SGPP1: variants seen among roughly 807,000 people sequenced by gnomAD.
The protein encoded by SGPP1 is hSPP1.
Under a neutral mutation model 33.0 loss-of-function variants are expected in SGPP1, and 21 were observed. That is an observed-to-expected ratio of 0.64 (90% CI 0.45 to 0.92). SGPP1 has a LOEUF of 0.92. Ranked by LOEUF, SGPP1 falls within the 40% of genes least tolerant of loss-of-function variation. The pLI, the probability that SGPP1 is intolerant of heterozygous loss-of-function variation, is 0.00. For missense variants in SGPP1, 543 were observed against 589.4 expected (o/e 0.92, Z 0.81); for synonymous variants, 239 against 241.2 (o/e 0.99, Z 0.08).
At position 63,684,357 on chromosome 14, in the gene SGPP1, AT is replaced by A. The variant is rs1272682473; in HGVS notation, c.*1747del. 1 of 152,114 alleles carries A rather than the reference AT, an allele frequency of 6.6e-6. No homozygotes were observed. The highest frequency in any genetic ancestry group is 2.4e-5 in the African/African-American group (1 of 41,464). 9.4% of individuals were successfully genotyped at this position (152,114 alleles called of 1,614,324 possible). A position where few individuals can be genotyped will look rare whatever the true frequency, so the allele number is the denominator to read the frequency against. ...AATCAACAGGATAGCATAGGCCCAA[AT>A]TATGGGAAACGGTCCCTAAAATTCA... On this transcript the variant is annotated 3_prime_UTR_variant, in exon 3 of 3. Coordinates refer to ENST00000247225, the MANE Select transcript of SGPP1 (RefSeq NM_030791.4).
intron 2 of SGPP1, 66 bp downstream of exon 2, chr14:63,698,503 A>G: frequency 1.1e-6 from 1 of 937,996 alleles, no homozygotes. Flanking sequence ...CAAATGATTA[A>G]AAATTATAAA....
At chr14:63,693,688 A>T (rs569308347) in intron 2 of SGPP1, among the ~76,000 whole-genome samples, 13 of 152,262 alleles carry the variant, frequency 8.5e-5, no homozygotes, top group Non-Finnish European at 1.5e-4. Context: ...ATCACAGCTT[A>T]TTGCAGCCTC....
At chr14:63,693,963 G>A (rs1448220008) in intron 2 of SGPP1, among the ~76,000 whole-genome samples, 1 of 152,070 alleles carries the variant, frequency 6.6e-6, no homozygotes, top group Non-Finnish European at 1.5e-5. Flanking sequence ...CCTGTAAAAT[G>A]TTTCTTTTAT....
chr14:63,706,107 G>A (rs1885403624), intron 1 of SGPP1, among the ~76,000 whole-genome samples: 1 of 152,240 alleles, frequency 6.6e-6, no homozygotes, highest in Admixed American at 6.5e-5. Context: ...CAAAAGGAAT[G>A]AAGTACTGAT....
chr14:63,706,864 G>A (rs976064611), intron 1 of SGPP1, among the ~76,000 whole-genome samples: 5 of 151,864 alleles, frequency 3.3e-5, no homozygotes, highest in Admixed American at 6.6e-5. Context: ...CTAATGTGGC[G>A]AAACCTTGTC....
In SGPP1 at chr14:63,727,487, C is replaced by G. The variant is rs1267386994; in HGVS notation, c.458G>C (p.Trp153Ser). The G allele has an allele frequency of 1.2e-6, 2 of 1,614,162 alleles. No individual in the cohort carries two copies. Among genetic ancestry groups the G allele is most frequent in the South Asian group, 2.2e-5 (2 of 91,086 alleles). Reference sequence around the variant, plus strand: ...CCGGCCCACCAGAGGGTCCAGGTTCCAGATCCAGAAGGGGAAGAACAGGAT... The same window carrying G: ...CCGGCCCACCAGAGGGTCCAGGTTCGAGATCCAGAAGGGGAAGAACAGGAT... ...FYILFFPFWI[W>S]NLDPLVGRRL... Residue 153 changes from tryptophan to serine, a missense_variant, in exon 1 of 3, where the codon TGG becomes TCG. Coordinates refer to ENST00000247225, the MANE Select transcript of SGPP1 (RefSeq NM_030791.4).
chr14:63,708,881 A>C (rs1885470050), intron 1 of SGPP1, among the ~76,000 whole-genome samples: 1 of 152,192 alleles, frequency 6.6e-6, no homozygotes, highest in Non-Finnish European at 1.5e-5. Context: ...TGATTCAAGC[A>C]CAGGAAGTCT....
chr14:63,705,419 G>A (rs1885389349), intron 1 of SGPP1, among the ~76,000 whole-genome samples: 1 of 151,440 alleles, frequency 6.6e-6, no homozygotes, highest in Non-Finnish European at 1.5e-5. Flanking sequence ...TGTAATCCCA[G>A]CACTTTGGGG....
At chr14:63,690,434 T>A (rs1347665467) in intron 2 of SGPP1, among the ~76,000 whole-genome samples, 1 of 152,206 alleles carries the variant, frequency 6.6e-6, no homozygotes. Context: ...AAAAGAGATA[T>A]AACTCCAAAT....
chr14:63,723,932 C>T (rs1377637068), intron 1 of SGPP1, among the ~76,000 whole-genome samples: 1 of 152,004 alleles, frequency 6.6e-6, no homozygotes, highest in East Asian at 1.9e-4. Context: ...GGCTGAAGTG[C>T]AGTGGTGCAA....
intron 1 of SGPP1, among the ~76,000 whole-genome samples, chr14:63,707,205 C>T (rs1349367051): frequency 6.6e-6 from 1 of 152,028 alleles, no homozygotes; most frequent in East Asian, 1.9e-4. Flanking sequence ...TACAAAGAAT[C>T]AGTTTAGCAA....
intron 1 of SGPP1, among the ~76,000 whole-genome samples, chr14:63,705,791 G>T (rs1340327864): frequency 6.6e-6 from 1 of 152,186 alleles, no homozygotes; most frequent in African/African-American, 2.4e-5. Context: ...ACAAGTATTG[G>T]TGAGTATGTG....
chr14:63,689,722 C>T lies in SGPP1; in HGVS notation c.775-3066G>A, dbSNP rs1183500499. Among the ~76,000 whole-genome samples the T allele has an allele frequency of 4.0e-5, 6 of 151,164 alleles. No individual in the cohort carries two copies. The South Asian group carries it at 1.0e-3, about 26-fold the overall frequency. On this transcript the variant is annotated intron_variant, in intron 2 of 2. Transcript: ENST00000247225. ...GAGGCAGGAGAATCGCTTAGAACCC[C>T]GGAGGTGGAGGTTGCAGTGAGCTGA...
rs1885175479 is a variant in SGPP1, at chr14:63,695,781, CATGTT to C, written c.774+2783_774+2787del. On this transcript the variant is annotated intron_variant, in intron 2 of 2. Transcript: ENST00000247225. The stretch of plus-strand genomic sequence containing the variant: ...TAAAAATTAGCTGGGCATTATAGTA[CATGTT>C]TGTAGTCCTAGACACCCGGGAGGGT... 1.6e-4 allele frequency among the ~76,000 whole-genome samples: 24 copies of C among 152,188 alleles called. No individual in the cohort carries two copies. The South Asian group carries it at 5.0e-3, about 32-fold the overall frequency.
intron 1 of SGPP1, among the ~76,000 whole-genome samples, chr14:63,722,248 G>GA: frequency 6.6e-6 from 1 of 151,856 alleles, no homozygotes; most frequent in South Asian, 2.1e-4. Context: ...TTAACAGCTG[G>GA]GCGCAGTGGC....
chr14:63,700,419 T>C (rs1026230841), intron 1 of SGPP1, among the ~76,000 whole-genome samples: 3 of 152,194 alleles, frequency 2.0e-5, no homozygotes, highest in African/African-American at 7.2e-5. Context: ...AAAAACCAAG[T>C]AATCCAAATG....
At chr14:63,720,085 C>T (rs1885737741) in intron 1 of SGPP1, among the ~76,000 whole-genome samples, 1 of 147,184 alleles carries the variant, frequency 6.8e-6, no homozygotes, top group Admixed American at 6.9e-5. Context: ...AAGATGGCAC[C>T]ACTGCACTCC....
chr14:63,694,399 T>C (rs1885148586), intron 2 of SGPP1, among the ~76,000 whole-genome samples: 1 of 152,114 alleles, frequency 6.6e-6, no homozygotes, highest in African/African-American at 2.4e-5. Flanking sequence ...ACATAAAAAA[T>C]CCATTATTTG....
intron 1 of SGPP1, among the ~76,000 whole-genome samples, chr14:63,702,097 G>A (rs1003609510): frequency 2.6e-5 from 4 of 152,162 alleles, no homozygotes; most frequent in African/African-American, 9.7e-5. Context: ...TAGAGTCTCA[G>A]AAGCTAGAGG....
Sources: allele counts gnomAD v4.1 joint callset (sites outside exome capture counted in the v4.1 genomes callset), GRCh38; gene constraint gnomAD v4.1.1; transcripts MANE v1.5; gene names NCBI Gene and HGNC (gene_info 2026-07-23, HGNC 2026-07-21).